XBP1: variants seen among roughly 807,000 people sequenced by gnomAD.
XBP1 encodes X-box-binding protein 1.
In XBP1, 18 loss-of-function variants were observed where a neutral mutation model predicts 34.6. The observed-to-expected ratio is 0.52, with a 90% CI of 0.36 to 0.77. XBP1 has a LOEUF of 0.77. XBP1 is among the 30% of genes least tolerant of loss of function. The pLI is 0.00. For missense variants in XBP1, 422 were observed against 464.6 expected (o/e 0.91, Z 0.84); for synonymous variants, 191 against 193.4 (o/e 0.99, Z 0.11).
downstream of XBP1, chr22:28,794,965 T>G (rs1050364965): frequency 7.2e-6 from 3 of 416,496 alleles, no homozygotes; most frequent in African/African-American, 6.1e-5. Context: ...TAATATTTCT[T>G]ACTTCCAGTA....
chr22:28,799,232 T>G, intron 1 of XBP1, 79 bp from the exon 2 acceptor site: 4 of 1,065,192 alleles, frequency 3.8e-6, no homozygotes, highest in Non-Finnish European at 4.1e-6. Flanking sequence ...TACCAGCTGG[T>G]GCTTTCATTT....
rs886792285 is a variant in XBP1 at position 28,800,361 on chromosome 22, AGCC to A, written c.161_163del (p.Gly54_Leu55delinsVal). The A allele has an allele frequency of 3.9e-6, 6 of 1,544,026 alleles. No individual in the cohort carries two copies. The African/African-American group carries it at 8.6e-5, about 22-fold the overall frequency. On this transcript the variant is annotated inframe_deletion, in exon 1 of 6. Transcript: ENST00000344347. The stretch of plus-strand genomic sequence containing the variant: ...GCGCTGTCGCTTGCGCGCCTGGGGC[AGCC>A]CCCCGCTCGCTGCCTCCGGGCTGGC...
At chr22:28,798,020 T>C (rs1009741132) in intron 2 of XBP1, among the ~76,000 whole-genome samples, 1 of 152,160 alleles carries the variant, frequency 6.6e-6, no homozygotes, top group Non-Finnish European at 1.5e-5. Flanking sequence ...ATAATCTCTA[T>C]GTATTCAAGA....
chr22:28,795,891 T>C (rs2097461), intron 5 of XBP1, among the ~76,000 whole-genome samples, 156 bp downstream of exon 5: 60,339 of 152,006 alleles, frequency 0.4, 13,236 homozygotes, highest in East Asian at 0.67. Flanking sequence ...CACTCCATGT[T>C]CTATATTACC....
exon 6 of XBP1, chr22:28,795,325 C>T: frequency 6.4e-7 from 1 of 1,551,958 alleles, no homozygotes; most frequent in Non-Finnish European, 8.7e-7. Flanking sequence ...AGGAAGATGG[C>T]TTTGGGCAGT....
At position 28,796,137 on chromosome 22, in the gene XBP1, C is replaced by T. The variant is rs761309479; in HGVS notation, c.498+11G>A. 3.7e-6 allele frequency: 6 copies of T among 1,612,700 alleles called. No individual in the cohort carries two copies. The highest frequency in any genetic ancestry group is 1.1e-5 in the South Asian group (1 of 90,884). On this transcript the variant is annotated splice_polypyrimidine_tract_variant and intron_variant, in intron 4 of 5. Coordinates refer to ENST00000344347, the Ensembl canonical transcript of XBP1. ...GGCCTGCACCTGCTGCAGAGGTGCA[C>T]GTAGTCTGAGTGCTGCGGACTCAGC...
chr22:28,795,801 T>C (rs2031739567), intron 5 of XBP1, 69 bp from the exon 6 acceptor site: 5 of 1,460,944 alleles, frequency 3.4e-6, no homozygotes, highest in Non-Finnish European at 4.6e-6. Flanking sequence ...TGGAACACTT[T>C]GTACTGGGTT....
Position 28,795,749 on chromosome 22 carries a change from T to C in XBP1, c.574-17A>G. On this transcript the variant is annotated splice_polypyrimidine_tract_variant and intron_variant, in intron 5 of 5. Transcript: ENST00000344347. ...GATATCAGACTGTAAGAGGCAAAAA[T>C]TAAATGAAGTACAACTGTCAGAATA... The C allele has an allele frequency of 1.3e-6, 2 of 1,520,408 alleles. No individual in the cohort carries two copies. Among genetic ancestry groups the C allele is most frequent in the South Asian group, 1.3e-5 (1 of 75,238 alleles). 94.2% of individuals were successfully genotyped at this position (1,520,408 alleles called of 1,614,324 possible).
chr22:28,798,532 C>T (rs2031793814), intron 2 of XBP1, among the ~76,000 whole-genome samples: 2 of 151,860 alleles, frequency 1.3e-5, no homozygotes, highest in Admixed American at 6.6e-5. Flanking sequence ...TGGTCTCGAA[C>T]TCCTGATCTC....
At chr22:28,796,927 G>T in intron 3 of XBP1, 150 bp downstream of exon 3, 1 of 950,230 alleles carries the variant, frequency 1.1e-6, no homozygotes, top group Non-Finnish European at 1.5e-6. Flanking sequence ...TTTAGGGGAA[G>T]AACACTCTGC....
downstream of XBP1, chr22:28,795,060 T>G: frequency 9.8e-7 from 1 of 1,024,486 alleles, no homozygotes. Flanking sequence ...AGAGGAATTC[T>G]CTAGGACTGT....
At chr22:28,795,092 T>G (rs990503514), downstream of XBP1, 50 of 1,392,810 alleles carry the variant, frequency 3.6e-5, no homozygotes, top group Middle Eastern at 2.3e-4. Flanking sequence ...TTTGGCTTTT[T>G]GAATGAAGTA....
At chr22:28,800,116 C>T in intron 1 of XBP1, 182 bp downstream of exon 1, 1 of 746,160 alleles carries the variant, frequency 1.3e-6, no homozygotes, top group Non-Finnish European at 2.3e-6. Flanking sequence ...CCCAGCGTGG[C>T]GGATCCGGTC....
intron 1 of XBP1, 157 bp downstream of exon 1, chr22:28,800,141 G>A: frequency 3.4e-6 from 3 of 876,444 alleles, no homozygotes; most frequent in Non-Finnish European, 5.3e-6. Context: ...CGGGCTTCCT[G>A]CCCCGCCCCG....
intron 3 of XBP1, 103 bp from the exon 4 acceptor site, chr22:28,796,295 T>C: frequency 2.5e-6 from 3 of 1,179,132 alleles, no homozygotes; most frequent in Non-Finnish European, 3.5e-6. Context: ...TTCAAAAAGA[T>C]TCTAGGGTTA....
intron 3 of XBP1, chr22:28,796,445 C>G (rs960098009): frequency 1.8e-5 from 6 of 329,542 alleles, no homozygotes; most frequent in African/African-American, 1.3e-4. Flanking sequence ...GGAAGCCTTA[C>G]CTCCCTTTTC....
At chr22:28,800,336 G>A in exon 1 of XBP1, 3 of 1,550,238 alleles carry the variant, frequency 1.9e-6, no homozygotes, top group Non-Finnish European at 2.6e-6. Context: ...GGTGCGTGAG[G>A]CGCTGTCGCT....
chr22:28,800,260 G>C (rs1340193413), intron 1 of XBP1, 38 bp downstream of exon 1: 3 of 1,545,616 alleles, frequency 1.9e-6, no homozygotes, highest in Non-Finnish European at 2.6e-6. Flanking sequence ...CCTAGTCCCG[G>C]CTTCAGATCT....
At chr22:28,797,758 G>A (rs1021576260) in intron 2 of XBP1, among the ~76,000 whole-genome samples, 9 of 151,238 alleles carry the variant, frequency 6.0e-5, no homozygotes, top group African/African-American at 2.2e-4. Context: ...ACTCCAGCCT[G>A]GGCAACAGAG....
Sources: gnomAD v4.1 joint callset for allele counts (sites outside exome capture counted in the v4.1 genomes callset) on GRCh38, gnomAD v4.1.1 for gene constraint, MANE v1.5 for transcripts, NCBI Gene and HGNC (gene_info 2026-07-23, HGNC 2026-07-21) for gene names.